SESTD1: variants seen among roughly 807,000 people sequenced by gnomAD.
The protein encoded by SESTD1 is SEC14 domain and spectrin repeat-containing protein 1.
Under a neutral mutation model 101.7 loss-of-function variants are expected in SESTD1, and 43 were observed. That is an observed-to-expected ratio of 0.42 (90% CI 0.33 to 0.55). The LOEUF (loss-of-function observed/expected upper bound fraction) is 0.55. Ranked by LOEUF, SESTD1 falls within the 20% of genes least tolerant of loss-of-function variation. The pLI, the probability that SESTD1 is intolerant of heterozygous loss-of-function variation, is 0.07. For missense variants in SESTD1, 647 were observed against 815.1 expected (o/e 0.79, Z 2.51); for synonymous variants, 283 against 286.8 (o/e 0.99, Z 0.13).
At chr2:179,126,993 C>T (rs1022116348) in intron 10 of SESTD1, among the ~76,000 whole-genome samples, 8 of 152,142 alleles carry the variant, frequency 5.3e-5, no homozygotes, top group African/African-American at 1.9e-4. Context: ...ACACAATAGC[C>T]GGTGATTTGC....
At chr2:179,123,881 G>GTGTT (rs2044809591) in intron 11 of SESTD1, 52 bp from the exon 12 acceptor site, 3 of 1,334,436 alleles carry the variant, frequency 2.2e-6, no homozygotes, top group Non-Finnish European at 3.2e-6. Context: ...AGCATCTAAA[G>GTGTT]TGTTTAATGA....
In SESTD1 at chr2:179,107,721, AG is replaced by A. The variant is rs2154393508; in HGVS notation, c.*2177del. 1 of 152,332 alleles carries A rather than the reference AG, an allele frequency of 6.6e-6. No homozygotes were observed. The highest frequency in any genetic ancestry group is 2.4e-5 in the African/African-American group (1 of 41,590). 9.4% of individuals were successfully genotyped at this position (152,332 alleles called of 1,614,324 possible). Reference sequence around the variant, plus strand: ...TGCCTATAATACAGCATTCATATTTAGGAGGAATGGGCATCTGTTATGCATG... The same window carrying A: ...TGCCTATAATACAGCATTCATATTTAGAGGAATGGGCATCTGTTATGCATG... On this transcript the variant is annotated 3_prime_UTR_variant, in exon 18 of 18. Coordinates refer to ENST00000428443, the MANE Select transcript of SESTD1 (RefSeq NM_178123.5).
In SESTD1 at chr2:179,183,234, C is replaced by T. The variant is rs753008371; in HGVS notation, c.56-46G>A. 6 of 1,215,804 alleles carry T rather than the reference C, an allele frequency of 4.9e-6. 1 individual carries two copies. In the South Asian group the frequency reaches 6.7e-5, roughly 14 times the overall value. The allele number at this position is 1,215,804 out of a possible 1,614,324, so 75.3% of individuals were successfully genotyped here. A position where few individuals can be genotyped will look rare whatever the true frequency, so the allele number is the denominator to read the frequency against. ...ATTTAACATGTAATACATATTAAGGCATAATCTGAATAATATACATTTGAA... is the reference window on the plus strand; with the variant it reads ...ATTTAACATGTAATACATATTAAGGTATAATCTGAATAATATACATTTGAA... On this transcript the variant is annotated intron_variant, in intron 2 of 17. Coordinates refer to ENST00000428443, the MANE Select transcript of SESTD1 (RefSeq NM_178123.5).
intron 9 of SESTD1, among the ~76,000 whole-genome samples, chr2:179,136,605 T>C (rs2045151485): frequency 6.6e-6 from 1 of 152,136 alleles, no homozygotes; most frequent in Non-Finnish European, 1.5e-5. Flanking sequence ...ATGTAATTAT[T>C]TTACTAGAAA....
At chr2:179,261,897 T>C (rs1285489033) in intron 1 of SESTD1, among the ~76,000 whole-genome samples, 1 of 152,174 alleles carries the variant, frequency 6.6e-6, no homozygotes, top group African/African-American at 2.4e-5. Context: ...TGAAAGCATA[T>C]ATACCATACA....
intron 12 of SESTD1, among the ~76,000 whole-genome samples, chr2:179,122,637 C>T (rs900759349): frequency 6.6e-6 from 1 of 152,160 alleles, no homozygotes; most frequent in African/African-American, 2.4e-5. Flanking sequence ...TGCCTGTAAT[C>T]CCAGCACTTT....
intron 1 of SESTD1, among the ~76,000 whole-genome samples, chr2:179,193,239 T>C (rs2046343814): frequency 6.6e-6 from 1 of 152,236 alleles, no homozygotes; most frequent in Non-Finnish European, 1.5e-5. Context: ...TTTATAGCTT[T>C]TGAGTTTACA....
At position 179,207,992 on chromosome 2, in the gene SESTD1, C is replaced by T. The variant is rs764515481; in HGVS notation, c.-25-16126G>A. On this transcript the variant is annotated intron_variant, in intron 1 of 17. Coordinates refer to ENST00000428443, the MANE Select transcript of SESTD1 (RefSeq NM_178123.5). ...AATTTTAAAAAATACAGGATATTAA[C>T]GAAAACGTCTCCAGAGAAATAGATA... 1.3e-4 allele frequency among the ~76,000 whole-genome samples: 18 copies of T among 133,442 alleles called. 2 individuals carry two copies. The highest frequency in any genetic ancestry group is 1.0e-3 in the East Asian group (5 of 4,986). The allele number at this position is 133,442 out of a possible 152,430, so 87.5% of individuals were successfully genotyped here.
intron 1 of SESTD1, among the ~76,000 whole-genome samples, chr2:179,260,290 C>A (rs1395448484): frequency 1.3e-5 from 2 of 152,114 alleles, no homozygotes; most frequent in Non-Finnish European, 2.9e-5. Context: ...CCAACGTAGG[C>A]AGATTGCTTG....
At chr2:179,236,181 T>C (rs2047062961) in intron 1 of SESTD1, among the ~76,000 whole-genome samples, 1 of 151,794 alleles carries the variant, frequency 6.6e-6, no homozygotes, top group African/African-American at 2.4e-5. Context: ...TCAAATAGCG[T>C]TTATTACAAT....
chr2:179,153,507 C>G (rs376716048), intron 5 of SESTD1, among the ~76,000 whole-genome samples: 2 of 152,258 alleles, frequency 1.3e-5, no homozygotes, highest in South Asian at 2.1e-4. Flanking sequence ...CTCGCTCTCT[C>G]TCTCACACAC....
At chr2:179,168,859 G>A (rs983355685) in intron 5 of SESTD1, among the ~76,000 whole-genome samples, 3 of 152,158 alleles carry the variant, frequency 2.0e-5, no homozygotes, top group African/African-American at 7.2e-5. Flanking sequence ...TAACAATAAT[G>A]GGATGGAAGT....
chr2:179,111,719 CTT>C (rs572503441), intron 17 of SESTD1, among the ~76,000 whole-genome samples: 20 of 135,288 alleles, frequency 1.5e-4, no homozygotes, highest in East Asian at 2.1e-4. Flanking sequence ...CCTCCTGATT[CTT>C]TTTTTTTTTT....
intron 5 of SESTD1, among the ~76,000 whole-genome samples, chr2:179,155,363 C>A (rs925807683): frequency 1.3e-5 from 2 of 152,044 alleles, no homozygotes; most frequent in Admixed American, 6.6e-5. Flanking sequence ...AGAATGAAAC[C>A]AAGCAATATA....
At chr2:179,202,629 G>A (rs1404553807) in intron 1 of SESTD1, among the ~76,000 whole-genome samples, 2 of 134,574 alleles carry the variant, frequency 1.5e-5, no homozygotes, top group African/African-American at 5.9e-5. Context: ...TTTCCAATAA[G>A]GAAAAACAGT....
At chr2:179,214,189 T>C (rs531913161) in intron 1 of SESTD1, among the ~76,000 whole-genome samples, 8 of 133,926 alleles carry the variant, frequency 6.0e-5, no homozygotes, top group East Asian at 2.0e-4. Flanking sequence ...GACTGGCAAA[T>C]TGGATAAAGA....
At chr2:179,195,593 A>C (rs767225132) in intron 1 of SESTD1, among the ~76,000 whole-genome samples, 3 of 152,248 alleles carry the variant, frequency 2.0e-5, no homozygotes, top group Non-Finnish European at 4.4e-5. Flanking sequence ...CTAGCAAGAA[A>C]GCTAATTGAA....
At chr2:179,116,901 T>A in intron 14 of SESTD1, 111 bp from the exon 15 acceptor site, 1 of 1,373,688 alleles carries the variant, frequency 7.3e-7, no homozygotes, top group South Asian at 1.4e-5. Flanking sequence ...CCGTTAATTA[T>A]AACCTAAAGT....
chr2:179,193,962 T>C lies in SESTD1; in HGVS notation c.-25-2096A>G, dbSNP rs140167711. On this transcript the variant is annotated intron_variant, in intron 1 of 17. Coordinates refer to ENST00000428443, the MANE Select transcript of SESTD1 (RefSeq NM_178123.5). Reference sequence around the variant, plus strand: ...TCTTTTAAATGGTCTGAAGTTCCTATTCCAGGCTTTCATAACTCACTCTCT... The same window carrying C: ...TCTTTTAAATGGTCTGAAGTTCCTACTCCAGGCTTTCATAACTCACTCTCT... Among the ~76,000 whole-genome samples the C allele has an allele frequency of 5.3e-5, 8 of 152,298 alleles. No homozygotes were observed. In the East Asian group the frequency reaches 1.5e-3, roughly 29 times the overall value.
Sources: allele counts gnomAD v4.1 joint callset (sites outside exome capture counted in the v4.1 genomes callset), GRCh38; gene constraint gnomAD v4.1.1; transcripts MANE v1.5; gene names NCBI Gene and HGNC (gene_info 2026-07-23, HGNC 2026-07-21).